GBE1: variants seen among roughly 807,000 people sequenced by gnomAD.
The protein encoded by GBE1 is 1,4-alpha-glucan branching enzyme 1, also known as 1,4-alpha-glucan-branching enzyme.
Under a neutral mutation model 88.8 loss-of-function variants are expected in GBE1, and 70 were observed. The observed-to-expected ratio is 0.79, with a 90% CI of 0.65 to 0.96. GBE1 has a LOEUF of 0.96. GBE1 is among the 40% of genes least tolerant of loss of function. The pLI is 0.00. For missense variants in GBE1, 872 were observed against 871.0 expected (o/e 1.00, Z -0.01); for synonymous variants, 284 against 300.1 (o/e 0.95, Z 0.56).
intron 2 of GBE1, among the ~76,000 whole-genome samples, chr3:81,692,816 T>G (rs368415333): frequency 6.6e-6 from 1 of 152,198 alleles, no homozygotes; most frequent in Non-Finnish European, 1.5e-5. Flanking sequence ...TTTAATTAAA[T>G]ATATCTATGG....
chr3:81,592,822 G>A (rs756500850), intron 8 of GBE1, among the ~76,000 whole-genome samples: 13 of 151,910 alleles, frequency 8.6e-5, no homozygotes, highest in South Asian at 4.2e-4. Flanking sequence ...TTTGCATACC[G>A]TAAGTCAGCT....
At chr3:81,503,176 C>T (rs1702612093) in intron 14 of GBE1, among the ~76,000 whole-genome samples, 1 of 152,024 alleles carries the variant, frequency 6.6e-6, no homozygotes, top group South Asian at 2.1e-4. Flanking sequence ...AGATATTGTG[C>T]AAGAAACAAA....
intron 12 of GBE1, among the ~76,000 whole-genome samples, chr3:81,549,800 T>C (rs1703249841): frequency 6.6e-6 from 1 of 151,606 alleles, no homozygotes; most frequent in Non-Finnish European, 1.5e-5. Context: ...ACAGGCCAAG[T>C]ATAATAAAGC....
chr3:81,728,986 T>G (rs1706152515), intron 1 of GBE1, among the ~76,000 whole-genome samples: 1 of 152,020 alleles, frequency 6.6e-6, no homozygotes, highest in Non-Finnish European at 1.5e-5. Context: ...CTTTTCTCTG[T>G]AGACAGCTAC....
chr3:81,598,755 T>C (rs1703992187), intron 7 of GBE1, among the ~76,000 whole-genome samples: 1 of 151,732 alleles, frequency 6.6e-6, no homozygotes, highest in African/African-American at 2.4e-5. Flanking sequence ...TTTCAAATAC[T>C]GTTAAATAAT....
intron 2 of GBE1, among the ~76,000 whole-genome samples, chr3:81,691,918 G>GTT (rs2107145307): frequency 6.6e-6 from 1 of 152,300 alleles, no homozygotes; most frequent in East Asian, 1.9e-4. Flanking sequence ...GTAACTCTTA[G>GTT]AGGAAGGGAT....
At chr3:81,695,891 A>G (rs1022580716) in intron 2 of GBE1, among the ~76,000 whole-genome samples, 2 of 152,222 alleles carry the variant, frequency 1.3e-5, no homozygotes, top group African/African-American at 4.8e-5. Flanking sequence ...CTGATTTACA[A>G]GCAAGTAAGA....
intron 12 of GBE1, among the ~76,000 whole-genome samples, chr3:81,574,192 C>A (rs1348759203): frequency 1.3e-5 from 2 of 152,078 alleles, no homozygotes; most frequent in African/African-American, 4.8e-5. Context: ...TTATTTTAAA[C>A]AATGTACTAT....
chr3:81,749,298 C>T (rs1026976073), intron 1 of GBE1, among the ~76,000 whole-genome samples: 6 of 151,296 alleles, frequency 4.0e-5, no homozygotes, highest in Non-Finnish European at 7.4e-5. Context: ...ATATATGCAA[C>T]GTGGAGAGAT....
At chr3:81,549,794 G>T (rs1432518779) in intron 12 of GBE1, among the ~76,000 whole-genome samples, 1 of 151,522 alleles carries the variant, frequency 6.6e-6, no homozygotes, top group Non-Finnish European at 1.5e-5. Flanking sequence ...AAATAAACAG[G>T]CCAAGTATAA....
chr3:81,674,741 A>T (rs1057302128), intron 2 of GBE1, among the ~76,000 whole-genome samples: 8 of 151,924 alleles, frequency 5.3e-5, no homozygotes, highest in African/African-American at 1.7e-4. Context: ...ACATATTTAT[A>T]AAAAAATCAG....
rs1462605142 is a variant in GBE1 at position 81,569,359 on chromosome 3, A to G, written c.1618+8566T>C. On this transcript the variant is annotated intron_variant, in intron 12 of 15. Coordinates refer to ENST00000429644, the MANE Select transcript of GBE1 (RefSeq NM_000158.4). ...TATGCCATTTAAAAAGATTTCTCTT[A>G]TAGCAGTAATACATAGCAATATGTA... Among the ~76,000 whole-genome samples, 5 of 152,236 alleles carry G rather than the reference A, an allele frequency of 3.3e-5. No individual in the cohort carries two copies. The East Asian group carries it at 7.7e-4, about 23-fold the overall frequency.
chr3:81,601,280 G>C (rs1704029482), intron 7 of GBE1, among the ~76,000 whole-genome samples: 1 of 152,150 alleles, frequency 6.6e-6, no homozygotes, highest in Admixed American at 6.6e-5. Context: ...GCTTAGAAAA[G>C]TTAAAAAACC....
chr3:81,627,035 G>C (rs1470203239), intron 7 of GBE1, among the ~76,000 whole-genome samples: 2 of 152,120 alleles, frequency 1.3e-5, no homozygotes, highest in Non-Finnish European at 2.9e-5. Context: ...ATGGAACGAA[G>C]AGCTATAATA....
intron 7 of GBE1, 94 bp from the exon 8 acceptor site, chr3:81,594,117 T>C (rs1703920193): frequency 1.8e-6 from 1 of 569,256 alleles, no homozygotes; most frequent in Non-Finnish European, 3.1e-6. Context: ...ATTATAGGGC[T>C]CTATCTCAAG....
Position 81,662,673 on chromosome 3 carries a change from A to G in GBE1, c.429+8165T>C, listed in dbSNP as rs1010247934. Among the ~76,000 whole-genome samples, 10 of 151,784 alleles carry G rather than the reference A, an allele frequency of 6.6e-5. No homozygotes were observed. The East Asian group carries it at 1.2e-3, about 18-fold the overall frequency. ...CATTAACAGTTTTGTAAAAAAAAAA[A>G]AAAAGAAAAAAGAAAATGAAAGTTA... On this transcript the variant is annotated intron_variant, in intron 3 of 15. Coordinates refer to ENST00000429644, the MANE Select transcript of GBE1 (RefSeq NM_000158.4).
chr3:81,637,857 T>A (rs570982972), intron 7 of GBE1, among the ~76,000 whole-genome samples: 3 of 152,132 alleles, frequency 2.0e-5, no homozygotes, highest in African/African-American at 7.2e-5. Flanking sequence ...ATATCATATA[T>A]AATTAAGCTA....
intron 1 of GBE1, among the ~76,000 whole-genome samples, chr3:81,759,403 G>A (rs1706646825): frequency 6.6e-6 from 1 of 152,128 alleles, no homozygotes; most frequent in East Asian, 1.9e-4. Flanking sequence ...GTGTTTGACT[G>A]GTTATGTATT....
rs1368689891 is a variant in GBE1, at chr3:81,517,810, A to G, written c.1934+17385T>C. 5.3e-5 allele frequency among the ~76,000 whole-genome samples: 8 copies of G among 151,416 alleles called. No homozygotes were observed. The South Asian group carries it at 1.7e-3, about 31-fold the overall frequency. Reference sequence around the variant, plus strand: ...TTGTCTTTTAATTACATAATTTTAAACCTTCAGGAGTTATTTCACCACTAG... The same window carrying G: ...TTGTCTTTTAATTACATAATTTTAAGCCTTCAGGAGTTATTTCACCACTAG... On this transcript the variant is annotated intron_variant, in intron 14 of 15. Coordinates refer to ENST00000429644, the MANE Select transcript of GBE1 (RefSeq NM_000158.4).
Sources: gnomAD v4.1 joint callset for allele counts (sites outside exome capture counted in the v4.1 genomes callset) on GRCh38, gnomAD v4.1.1 for gene constraint, MANE v1.5 for transcripts, NCBI Gene and HGNC (gene_info 2026-07-23, HGNC 2026-07-21) for gene names.